The following ALDH18A1 variants were observed in gnomAD, a reference collection of about 807,000 sequenced individuals.
The protein encoded by ALDH18A1 is delta-1-pyrroline-5-carboxylate synthase.
Under a neutral mutation model 88.8 loss-of-function variants are expected in ALDH18A1, and 44 were observed. That is an observed-to-expected ratio of 0.50 (90% confidence interval 0.39 to 0.64). The LOEUF is 0.64. Ranked by LOEUF, ALDH18A1 falls within the 30% of genes least tolerant of loss-of-function variation. The probability of loss-of-function intolerance (pLI) is 0.00; values close to 1 mark genes in which losing one functional copy is unlikely to be tolerated. For missense variants in ALDH18A1, 782 were observed against 1,009.5 expected (o/e 0.77, Z 3.05); for synonymous variants, 331 against 372.1 (o/e 0.89, Z 1.27).
intron 7 of ALDH18A1, among the ~76,000 whole-genome samples, chr10:95,632,611 G>A (rs7076303): frequency 0.18 from 27,771 of 152,116 alleles, 2,827 homozygotes; most frequent in Middle Eastern, 0.28. Flanking sequence ...TGATCCTCCC[G>A]CTTTGGCCTC....
At chr10:95,618,265 T>C (rs1404423253) in intron 12 of ALDH18A1, among the ~76,000 whole-genome samples, 3 of 152,158 alleles carry the variant, frequency 2.0e-5, no homozygotes, top group African/African-American at 7.2e-5. Context: ...GCAAGAACTT[T>C]AACGCATGCT....
At chr10:95,614,450 G>A (rs908002832) in intron 13 of ALDH18A1, among the ~76,000 whole-genome samples, 5 of 152,182 alleles carry the variant, frequency 3.3e-5, no homozygotes, top group African/African-American at 1.2e-4. Context: ...GCAGCACTAG[G>A]GTACTGCTAG....
chr10:95,606,439 A>G lies in ALDH18A1; in HGVS notation c.*323T>C. On this transcript the variant is annotated 3_prime_UTR_variant, in exon 18 of 18. Transcript: ENST00000371224. ...TGCCAAGGGGGACTGTAAGTCACTG[A>G]GGTGACACAAAGCAGCCATGGGTTT... The G allele has an allele frequency of 8.3e-7, 1 of 1,206,248 alleles. No individual in the cohort carries two copies. Among genetic ancestry groups the G allele is most frequent in the Non-Finnish European group, 1.0e-6 (1 of 960,204 alleles). The allele number at this position is 1,206,248 out of a possible 1,614,324, so 74.7% of individuals were successfully genotyped here. A position where few individuals can be genotyped will look rare whatever the true frequency, so the allele number is the denominator to read the frequency against.
intron 11 of ALDH18A1, among the ~76,000 whole-genome samples, chr10:95,623,188 T>C (rs951862272): frequency 2.6e-5 from 4 of 152,176 alleles, no homozygotes; most frequent in African/African-American, 9.7e-5. Context: ...TTAATTATAG[T>C]ATATGTTAAA....
At chr10:95,611,200 A>G in intron 16 of ALDH18A1, 56 bp downstream of exon 16, 1 of 1,603,500 alleles carries the variant, frequency 6.2e-7, no homozygotes, top group African/African-American at 1.3e-5. Context: ...TAAGAGGAGC[A>G]GGATCAGAAA....
At chr10:95,652,101 C>T (rs1049956673) in intron 2 of ALDH18A1, among the ~76,000 whole-genome samples, 4 of 152,198 alleles carry the variant, frequency 2.6e-5, no homozygotes, top group African/African-American at 2.4e-5. Flanking sequence ...GAGAATTATG[C>T]TGAAGAAAAC....
chr10:95,651,041 GA>G (rs1327797600), intron 2 of ALDH18A1, among the ~76,000 whole-genome samples: 2 of 152,086 alleles, frequency 1.3e-5, no homozygotes, highest in Non-Finnish European at 2.9e-5. Context: ...ACTGAGGCAG[GA>G]GAATCGCTTG....
At chr10:95,610,747 C>T (rs2139528125) in intron 16 of ALDH18A1, among the ~76,000 whole-genome samples, 1 of 152,266 alleles carries the variant, frequency 6.6e-6, no homozygotes, top group East Asian at 1.9e-4. Context: ...ACAGTGAGTG[C>T]TTGGTAAATG....
In ALDH18A1 at chr10:95,653,374, A is replaced by G. The variant is rs755446179; in HGVS notation, c.4T>C (p.Leu2=). The change falls in exon 2 of 18, where the codon TTG becomes CTG. Residue 2 remains leucine (L), a synonymous_variant. Transcript: ENST00000371224. M[L]SQVYRCGFQP... is the part of the protein sequence containing the mutation. ...AACCCACAGCGGTAAACTTGACTCAACATGCTGCGATGTGGTCACTAACCA... is the reference window on the plus strand; with the variant it reads ...AACCCACAGCGGTAAACTTGACTCAGCATGCTGCGATGTGGTCACTAACCA... 5.1e-5 allele frequency: 83 copies of G among 1,613,512 alleles called. No individual in the cohort carries two copies. The highest frequency in any genetic ancestry group is 3.9e-5 in the Non-Finnish European group (46 of 1,179,980).
chr10:95,655,168 T>G (rs2097916017), intron 1 of ALDH18A1, among the ~76,000 whole-genome samples: 1 of 151,792 alleles, frequency 6.6e-6, no homozygotes, highest in Non-Finnish European at 1.5e-5. Flanking sequence ...CTTTAAGTTT[T>G]AGGGTACATG....
chr10:95,613,823 A>T lies in ALDH18A1; in HGVS notation c.1842T>A (p.Ala614=). ...SKCEYPAACN[A]LETLLIHRDL... ...CCCGGTGGATTAACAAAGTCTCCAA[A>T]GCATTACAGGCAGCTGGATATTCAC... The change falls in exon 15 of 18, where the codon GCT becomes GCA. Residue 614 remains alanine (A), a synonymous_variant. Transcript: ENST00000371224. The T allele has an allele frequency of 1.2e-6, 2 of 1,614,194 alleles. No individual in the cohort carries two copies. Among genetic ancestry groups the T allele is most frequent in the Non-Finnish European group, 1.7e-6 (2 of 1,180,020 alleles).
rs566528582 is a variant in ALDH18A1, at chr10:95,627,575, G to T, written c.945C>A (p.Ala315=). Residue 315 remains alanine, a synonymous_variant, in exon 9 of 18, where the codon GCC becomes GCA. Coordinates refer to ENST00000371224, the MANE Select transcript of ALDH18A1 (RefSeq NM_002860.4). ...AAGTGCCACCTTGCAAAGCCCAGAG[G>T]GCTGCTTTCACCTAATGAGACAGGT... ...MGGMEAKVKA[A]LWALQGGTSV... is the part of the protein sequence containing the mutation. The T allele has an allele frequency of 4.3e-6, 7 of 1,614,076 alleles. No individual in the cohort carries two copies. The highest frequency in any genetic ancestry group is 5.9e-6 in the Non-Finnish European group (7 of 1,179,940).
intron 5 of ALDH18A1, among the ~76,000 whole-genome samples, chr10:95,635,134 T>G (rs1047954277): frequency 6.6e-6 from 1 of 152,180 alleles, no homozygotes; most frequent in East Asian, 1.9e-4. Flanking sequence ...AATAAGAATG[T>G]TGATGTCTTG....
At position 95,637,073 on chromosome 10, in the gene ALDH18A1, T is replaced by G. The variant is rs750748928; in HGVS notation, c.558+20A>C. The G allele has an allele frequency of 1.2e-6, 2 of 1,612,392 alleles. No homozygotes were observed. Among genetic ancestry groups the G allele is most frequent in the Admixed American group, 3.3e-5 (2 of 59,882 alleles). On this transcript the variant is annotated intron_variant, in intron 5 of 17. Coordinates refer to ENST00000371224, the MANE Select transcript of ALDH18A1 (RefSeq NM_002860.4). The stretch of plus-strand genomic sequence containing the variant: ...CCACCCTCACAGGTCCCACACCCAT[T>G]TCAAAGCCCAGCCTCTCACCTGGGC...
chr10:95,645,180 A>G (rs1243229727), intron 2 of ALDH18A1, among the ~76,000 whole-genome samples: 1 of 152,212 alleles, frequency 6.6e-6, no homozygotes, highest in Non-Finnish European at 1.5e-5. Context: ...CCTGATAGCA[A>G]GAAGCAAGAC....
In ALDH18A1 at chr10:95,625,428, C is replaced by T. The variant is rs2097858963; in HGVS notation, c.1180G>A (p.Asp394Asn). The change falls in exon 11 of 18, where the codon GAT becomes AAT. Residue 394 changes from aspartate to asparagine, a missense_variant. Coordinates refer to ENST00000371224, the MANE Select transcript of ALDH18A1 (RefSeq NM_002860.4). Reference sequence around the variant, plus strand: ...TCATCACGCTGGTCCGTCAACAGATCAGCCAGATGATGGATAATTTCTGCT... The same window carrying T: ...TCATCACGCTGGTCCGTCAACAGATTAGCCAGATGATGGATAATTTCTGCT... ...QRAEIIHHLA[D>N]LLTDQRDEIL... is the part of the protein sequence containing the mutation. The T allele has an allele frequency of 1.9e-6, 3 of 1,613,898 alleles. No individual in the cohort carries two copies. The highest frequency in any genetic ancestry group is 1.7e-5 in the Admixed American group (1 of 59,994).
chr10:95,652,017 A>C (rs2097911183), intron 2 of ALDH18A1, among the ~76,000 whole-genome samples: 1 of 152,222 alleles, frequency 6.6e-6, no homozygotes, highest in East Asian at 1.9e-4. Flanking sequence ...ACTGTGATAC[A>C]CTCATAGCAT....
At chr10:95,611,726 C>T (rs1222642000) in intron 15 of ALDH18A1, among the ~76,000 whole-genome samples, 1 of 152,080 alleles carries the variant, frequency 6.6e-6, no homozygotes. Flanking sequence ...AATCCCAGTA[C>T]TTTGGGAGGC....
intron 15 of ALDH18A1, 77 bp from the exon 16 acceptor site, chr10:95,611,519 G>C: frequency 6.4e-7 from 1 of 1,556,570 alleles, no homozygotes; most frequent in South Asian, 1.1e-5. Flanking sequence ...ACAGAAAGGT[G>C]AGCCTGTAAA....
Sources: allele counts gnomAD v4.1 joint callset (sites outside exome capture counted in the v4.1 genomes callset), GRCh38; gene constraint gnomAD v4.1.1; transcripts MANE v1.5; gene names NCBI Gene and HGNC (gene_info 2026-07-23, HGNC 2026-07-21).